The following MTF2 variants were observed in gnomAD, a reference collection of about 807,000 sequenced individuals.
The protein encoded by MTF2 is metal-response element-binding transcription factor 2.
A neutral mutation model predicts 79.5 loss-of-function variants in MTF2; 11 were observed. That is an observed-to-expected ratio of 0.14 (90% CI 0.09 to 0.23). MTF2 has a LOEUF of 0.23. Ranked by LOEUF, MTF2 falls within the 10% of genes least tolerant of loss-of-function variation. MTF2 has a pLI of 1.00. For synonymous variants in MTF2, 208 were observed against 232.8 expected (o/e 0.89, Z 0.97); for missense variants, 486 against 711.2 (o/e 0.68, Z 3.60).
At chr1:93,129,200 ATATG>A in intron 10 of MTF2, 74 bp from the exon 11 acceptor site, 1 of 1,009,642 alleles carries the variant, frequency 9.9e-7, no homozygotes, top group Non-Finnish European at 1.4e-6. Flanking sequence ...AGGGCCTTAT[ATATG>A]AAAGTTAAGT....
intron 7 of MTF2, among the ~76,000 whole-genome samples, chr1:93,118,817 T>C (rs1656354369): frequency 6.6e-6 from 1 of 152,244 alleles, no homozygotes; most frequent in South Asian, 2.1e-4. Context: ...CTTAATGTAC[T>C]TTCTATATTA....
chr1:93,121,071 C>T, intron 9 of MTF2: 1 of 976,854 alleles, frequency 1.0e-6, no homozygotes, highest in Non-Finnish European at 1.2e-6. Context: ...TGTTGGTACT[C>T]CTTTATATAT....
At chr1:93,098,189 TC>T (rs1287089041) in intron 1 of MTF2, among the ~76,000 whole-genome samples, 1 of 152,154 alleles carries the variant, frequency 6.6e-6, no homozygotes, top group Non-Finnish European at 1.5e-5. Context: ...TTACATATGT[TC>T]CCTAGGCTTA....
Position 93,112,929 on chromosome 1 carries a change from G to C in MTF2, c.287-1759G>C, listed in dbSNP as rs149628346. On this transcript the variant is annotated intron_variant, in intron 3 of 14. Transcript: ENST00000370298. ...CCCATCATTAGTCCAGGTAGTTACA[G>C]TGAGAGTCAGGTCAGGCACCTCCCC... is the stretch of plus-strand genomic sequence containing the variant. Among the ~76,000 whole-genome samples, 124 of 152,328 alleles carry C rather than the reference G, an allele frequency of 8.1e-4. 1 individual carries two copies. Among genetic ancestry groups the C allele is most frequent in the Non-Finnish European group, 1.3e-3 (91 of 68,028 alleles).
chr1:93,129,864 G>A (rs1209672681), intron 11 of MTF2, among the ~76,000 whole-genome samples: 1 of 152,110 alleles, frequency 6.6e-6, no homozygotes, highest in African/African-American at 2.4e-5. Flanking sequence ...CCCTGATGGG[G>A]TTTACAAAGG....
At chr1:93,103,795 C>T (rs1655647837) in intron 1 of MTF2, among the ~76,000 whole-genome samples, 1 of 152,028 alleles carries the variant, frequency 6.6e-6, no homozygotes, top group Admixed American at 6.6e-5. Flanking sequence ...AGAGGAAAAC[C>T]CTTAGGGGAG....
intron 1 of MTF2, among the ~76,000 whole-genome samples, chr1:93,082,271 T>C (rs61800884): frequency 7.3e-6 from 1 of 137,000 alleles, no homozygotes; most frequent in Non-Finnish European, 1.6e-5. Flanking sequence ...TATGTAACCA[T>C]TCTTTTTTTT....
chr1:93,136,638 A>G (rs1647410348), intron 14 of MTF2, 32 bp from the exon 15 acceptor site: 3 of 1,564,328 alleles, frequency 1.9e-6, no homozygotes, highest in African/African-American at 1.4e-5. Context: ...AAAAAAGCTC[A>G]GTAGACAATT....
chr1:93,106,995 G>A (rs183316812), intron 1 of MTF2, among the ~76,000 whole-genome samples: 2 of 152,124 alleles, frequency 1.3e-5, no homozygotes, highest in Admixed American at 1.3e-4. Flanking sequence ...CACTGATCTT[G>A]TCAAACATTT....
chr1:93,119,048 C>T (rs973073005), intron 7 of MTF2, among the ~76,000 whole-genome samples: 7 of 152,168 alleles, frequency 4.6e-5, no homozygotes, highest in African/African-American at 1.7e-4. Context: ...CACACACAAG[C>T]GATTAGTAAA....
At chr1:93,131,080 C>T (rs749826403) in intron 11 of MTF2, among the ~76,000 whole-genome samples, 1 of 151,890 alleles carries the variant, frequency 6.6e-6, no homozygotes, top group Non-Finnish European at 1.5e-5. Context: ...TTGATAAAAG[C>T]TATGAGAATG....
Position 93,115,055 on chromosome 1 carries a change from C to T in MTF2, c.450C>T (p.Leu150=), listed in dbSNP as rs141885311. 6.2e-7 allele frequency: 1 copy of T among 1,610,930 alleles called. No homozygotes were observed. The highest frequency in any genetic ancestry group is 1.3e-5 in the African/African-American group (1 of 74,822). ...TGATTGATTCAGATGAAAAATGGCT[C>T]TGTCGGCAGTGTGTTTTTGCAACAA... The part of the protein sequence containing the change: ...SSVIDSDEKW[L]CRQCVFATTT... The change falls in exon 5 of 15, where the codon CTC becomes CTT. Residue 150 remains leucine (L), a synonymous_variant. Transcript: ENST00000370298.
In MTF2 at chr1:93,094,806, A is replaced by C. The variant is rs564625664; in HGVS notation, c.5+15275A>C. On this transcript the variant is annotated intron_variant, in intron 1 of 14. Coordinates refer to ENST00000370298, the MANE Select transcript of MTF2 (RefSeq NM_007358.4). Reference sequence around the variant, plus strand: ...CAGTGCATAGATCTATTTATTCATTAGGTGTTGCAAAATGGTGATTTAAAA... The same window carrying C: ...CAGTGCATAGATCTATTTATTCATTCGGTGTTGCAAAATGGTGATTTAAAA... 1.1e-4 allele frequency among the ~76,000 whole-genome samples: 16 copies of C among 152,300 alleles called. 1 individual carries two copies. The South Asian group carries it at 3.3e-3, about 32-fold the overall frequency.
rs1176419752 is a variant in MTF2 at position 93,114,722 on chromosome 1, A to G, written c.321A>G (p.Ile107Met). ...ATGSGEMVCTICQEEYSEAPN... is the reference protein window; with the variant it reads ...ATGSGEMVCTMCQEEYSEAPN... Reference sequence around the variant, plus strand: ...GAAGTGGGGAAATGGTCTGTACAATATGTCAAGAAGAGTATTCAGAAGCTC... The same window carrying G: ...GAAGTGGGGAAATGGTCTGTACAATGTGTCAAGAAGAGTATTCAGAAGCTC... The change falls in exon 4 of 15, where the codon ATA (isoleucine) becomes ATG (methionine). Residue 107 changes from isoleucine to methionine, a missense_variant. Around this residue, in one of 4 missense-constraint regions of MTF2, gnomAD observed 177 missense variants for 364.0 expected, o/e 0.49. Coordinates refer to ENST00000370298, the MANE Select transcript of MTF2 (RefSeq NM_007358.4). The G allele has an allele frequency of 6.2e-7, 1 of 1,612,350 alleles. No individual in the cohort carries two copies. The highest frequency in any genetic ancestry group is 1.3e-5 in the African/African-American group (1 of 74,874).
chr1:93,087,172 G>A (rs1654880245), intron 1 of MTF2, among the ~76,000 whole-genome samples: 1 of 152,176 alleles, frequency 6.6e-6, no homozygotes, highest in Admixed American at 6.5e-5. Context: ...TCAGGTTAGG[G>A]ATGCTCAACT....
intron 11 of MTF2, among the ~76,000 whole-genome samples, chr1:93,130,307 C>T (rs1055632422): frequency 6.6e-6 from 1 of 152,120 alleles, no homozygotes; most frequent in Non-Finnish European, 1.5e-5. Flanking sequence ...GCCGGGTGCA[C>T]TGGCTCACAC....
At chr1:93,130,564 G>A (rs1277112999) in intron 11 of MTF2, among the ~76,000 whole-genome samples, 3 of 151,044 alleles carry the variant, frequency 2.0e-5, no homozygotes, top group African/African-American at 4.9e-5. Context: ...GCAACAGAGC[G>A]AGACTCTGTC....
chr1:93,101,568 G>GTTTTTTTTTTTGTTTTTTT (rs1655536803), intron 1 of MTF2, among the ~76,000 whole-genome samples: 1 of 25,406 alleles, frequency 3.9e-5, no homozygotes, highest in African/African-American at 1.5e-4. Context: ...GCTCAGGCTG[G>GTTTTTTTTTTTGTTTTTTT]TTTTTTTTTT....
chr1:93,094,793 C>G (rs1027598182), intron 1 of MTF2, among the ~76,000 whole-genome samples: 1 of 152,064 alleles, frequency 6.6e-6, no homozygotes, highest in African/African-American at 2.4e-5. Context: ...GTGCATAGAT[C>G]TATTTATTCA....
Sources: allele counts gnomAD v4.1 joint callset (sites outside exome capture counted in the v4.1 genomes callset), GRCh38; gene constraint gnomAD v4.1.1; regional missense constraint gnomAD v4.1.1; transcripts MANE v1.5; gene names NCBI Gene and HGNC (gene_info 2026-07-23, HGNC 2026-07-21).